Variants in PIK3R5 observed in about 807,000 individuals in gnomAD.
PIK3R5 encodes phosphoinositide 3-kinase regulatory subunit 5.
PIK3R5 carries 32 observed loss-of-function variants against 94.9 expected under a neutral mutation model. The observed-to-expected ratio is 0.34, with a 90% confidence interval of 0.25 to 0.45. PIK3R5 has a LOEUF of 0.45. Among genes scored for constraint, PIK3R5 ranks in the 20% least tolerant of loss-of-function variants. The probability of loss-of-function intolerance (pLI) is 1.00; values close to 1 mark genes in which losing one functional copy is unlikely to be tolerated. For missense variants in PIK3R5, 853 were observed against 1,144.6 expected (o/e 0.75, Z 3.68); for synonymous variants, 443 against 479.4 (o/e 0.92, Z 0.99).
chr17:8,887,245 C>T, intron 11 of PIK3R5, 24 bp from the exon 12 acceptor site: 3 of 1,612,856 alleles, frequency 1.9e-6, no homozygotes, highest in Non-Finnish European at 2.5e-6. Context: ...CAAGAGTCAT[C>T]ATCCCAGCTC....
chr17:8,954,058 C>T (rs1333626231), intron 1 of PIK3R5, among the ~76,000 whole-genome samples: 2 of 144,922 alleles, frequency 1.4e-5, no homozygotes, highest in South Asian at 4.4e-4. Context: ...CTTTCCTCTG[C>T]AAAAAAAAAG....
Position 8,893,929 on chromosome 17 carries a change from T to C in PIK3R5, c.413-274A>G. On this transcript the variant is annotated intron_variant, in intron 5 of 18. Transcript: ENST00000447110. This position sits in a 1 kb window ranked among gnomAD's most constrained non-coding sequence, Gnocchi z 5.1. ...CTGTCCTCTGGATTCCCGTGGCCTC[T>C]CTGACTGCCCTCCCTTCCTAAGAGC... The C allele has an allele frequency of 3.3e-6, 1 of 300,268 alleles. No homozygotes were observed. Among genetic ancestry groups the C allele is most frequent in the Non-Finnish European group, 6.3e-6 (1 of 158,748 alleles). 18.6% of individuals were successfully genotyped at this position (300,268 alleles called of 1,614,324 possible).
rs533243065 is a variant in PIK3R5 at position 8,961,566 on chromosome 17, C to T, written c.-14+4030G>A. On this transcript the variant is annotated intron_variant, in intron 1 of 18. Transcript: ENST00000447110. The stretch of plus-strand genomic sequence containing the variant: ...AGGAGAATTGCTTGAACCCAGGAGG[C>T]GGAGGTTGCAGTGAGCCGAGATCAC... 3.0e-4 allele frequency among the ~76,000 whole-genome samples: 46 copies of T among 152,148 alleles called. 1 individual carries two copies. In the East Asian group the frequency reaches 8.5e-3, roughly 28 times the overall value.
Position 8,888,889 on chromosome 17 carries a change from T to A in PIK3R5, c.898A>T (p.Ile300Phe). The A allele has an allele frequency of 6.3e-7, 1 of 1,595,850 alleles. No homozygotes were observed. Among genetic ancestry groups the A allele is most frequent in the Middle Eastern group, 1.7e-4 (1 of 6,036 alleles). Residue 300 changes from isoleucine to phenylalanine, a missense_variant and splice_region_variant, in exon 10 of 19, where the codon ATC (isoleucine) becomes TTC (phenylalanine). Physicochemically the swap from Ile to Phe is conservative, Grantham distance 21. This residue lies in a region of PIK3R5 where 161 missense variants were observed against 249.5 expected (regional missense o/e 0.65). Transcript: ENST00000447110. This position sits in a 1 kb window ranked among gnomAD's most constrained non-coding sequence, Gnocchi z 7.8. ...TYSWSQDSFD[I>F]LQEILLKEQE... ...TCCTTGAGCAGGATTTCCTGCAGGA[T>A]GTCTGCAGGGAAGCAAGGCCAGCAC...
At position 8,909,594 on chromosome 17, in the gene PIK3R5, C is replaced by G. The variant is rs2090481223; in HGVS notation, c.104-420G>C. 6.6e-6 allele frequency among the ~76,000 whole-genome samples: 1 copy of G among 152,216 alleles called. No homozygotes were observed. Among genetic ancestry groups the G allele is most frequent in the Admixed American group, 6.5e-5 (1 of 15,280 alleles). ...GAGCCACTGCACCCGGCCTGGAACA[C>G]TCCTTTCTAAAGTAAGTGAATCTAG... is the stretch of plus-strand genomic sequence containing the variant. On this transcript the variant is annotated intron_variant, in intron 2 of 18. Coordinates refer to ENST00000447110, the MANE Select transcript of PIK3R5 (RefSeq NM_001142633.3). The surrounding 1 kb of genome is among the most constrained non-coding windows in gnomAD (Gnocchi z 4.3).
rs992246407 is a variant in PIK3R5 at position 8,925,499 on chromosome 17, A to G, written c.-13-13992T>C. ...TAGATAGTAGATGGATAGATAGTAG[A>G]TGGATAGATAGTAGATGGATAGATA... On this transcript the variant is annotated intron_variant, in intron 1 of 18. Coordinates refer to ENST00000447110, the MANE Select transcript of PIK3R5 (RefSeq NM_001142633.3). The surrounding 1 kb of genome is among the most constrained non-coding windows in gnomAD (Gnocchi z 5.1). Among the ~76,000 whole-genome samples the G allele has an allele frequency of 2.6e-5, 4 of 150,980 alleles. No homozygotes were observed. Among genetic ancestry groups the G allele is most frequent in the Admixed American group, 6.6e-5 (1 of 15,212 alleles).
chr17:8,888,643 C>T lies in PIK3R5; in HGVS notation c.1144G>A (p.Gly382Ser), dbSNP rs749393537. The part of the protein sequence containing the change: ...SRHLLTSFVS[G>S]LSDGMDSGYV... ...CCGCTGTCCATGCCATCAGAGAGGCCTGAGACAAAGGAAGTCAGCAGATGG... is the reference window on the plus strand; with the variant it reads ...CCGCTGTCCATGCCATCAGAGAGGCTTGAGACAAAGGAAGTCAGCAGATGG... Residue 382 changes from glycine to serine, a missense_variant, in exon 10 of 19, where the codon GGC becomes AGC. This residue lies in a region of PIK3R5 where 319 missense variants were observed against 339.8 expected (regional missense o/e 0.94). Coordinates refer to ENST00000447110, the MANE Select transcript of PIK3R5 (RefSeq NM_001142633.3). This position sits in a 1 kb window ranked among gnomAD's most constrained non-coding sequence, Gnocchi z 7.8. 1 of 1,613,682 alleles carries T rather than the reference C, an allele frequency of 6.2e-7. No homozygotes were observed.
At chr17:8,899,805 C>T (rs548191248) in intron 5 of PIK3R5, among the ~76,000 whole-genome samples, 3 of 152,180 alleles carry the variant, frequency 2.0e-5, no homozygotes, top group East Asian at 3.9e-4. Flanking sequence ...TTTGGGAGGC[C>T]GAGGTGGGCG....
At chr17:8,895,459 T>C (rs114040233) in intron 5 of PIK3R5, among the ~76,000 whole-genome samples, 3 of 152,246 alleles carry the variant, frequency 2.0e-5, no homozygotes, top group Non-Finnish European at 2.9e-5. Context: ...CGCCCAGCCA[T>C]TGGCTTCCAA....
Position 8,884,896 on chromosome 17 carries a change from T to C in PIK3R5, c.2129-113A>G. On this transcript the variant is annotated intron_variant, in intron 14 of 18. Coordinates refer to ENST00000447110, the MANE Select transcript of PIK3R5 (RefSeq NM_001142633.3). This position sits in a 1 kb window ranked among gnomAD's most constrained non-coding sequence, Gnocchi z 5.8. The stretch of plus-strand genomic sequence containing the variant: ...TCCCCATCCCCTACCACATGGACCG[T>C]GACTCCCTAGGGATCTGTCTCACCA... 1.2e-6 allele frequency: 1 copy of C among 823,582 alleles called. No homozygotes were observed. The highest frequency in any genetic ancestry group is 2.0e-6 in the Non-Finnish European group (1 of 492,486). 51.0% of individuals were successfully genotyped at this position (823,582 alleles called of 1,614,324 possible).
intron 1 of PIK3R5, among the ~76,000 whole-genome samples, chr17:8,937,862 T>C (rs113504075): frequency 0.012 from 1,803 of 152,262 alleles, 42 homozygotes; most frequent in African/African-American, 0.042. Context: ...CAGGCTGGAG[T>C]GCAATGGCAC....
chr17:8,959,054 G>A (rs2091512908), intron 1 of PIK3R5, among the ~76,000 whole-genome samples: 1 of 152,006 alleles, frequency 6.6e-6, no homozygotes, highest in South Asian at 2.1e-4. Flanking sequence ...CACCACGCAG[G>A]GCCTTCTCTT....
chr17:8,887,156 G>A lies in PIK3R5; in HGVS notation c.1845C>T (p.Asp615=), dbSNP rs61761067. The A allele has an allele frequency of 5.5e-3, 8,941 of 1,613,956 alleles. 417 individuals are homozygous for A. In the African/African-American group the frequency reaches 0.1, roughly 18 times the overall value. The part of the protein sequence containing the change: ...NDISHYLGML[D]PWYERNVLGL... The stretch of plus-strand genomic sequence containing the variant: ...CCAGTACATTGCGCTCATACCAGGG[G>A]TCCAGCATGCCGAGGTAGTGGGAGA... Residue 615 remains aspartate, a synonymous_variant, in exon 12 of 19, where the codon GAC becomes GAT. Transcript: ENST00000447110.
rs1156479965 is a variant in PIK3R5, at chr17:8,884,308, T to G, written c.2205+399A>C. ...ACCTCCCCACAGCTCTCCTCACTCC[T>G]TTCTCACGCCAATCCCATCTTGCAT... On this transcript the variant is annotated intron_variant, in intron 15 of 18. Coordinates refer to ENST00000447110, the MANE Select transcript of PIK3R5 (RefSeq NM_001142633.3). The surrounding 1 kb of genome is among the most constrained non-coding windows in gnomAD (Gnocchi z 5.8). Among the ~76,000 whole-genome samples, 1 of 152,006 alleles carries G rather than the reference T, an allele frequency of 6.6e-6. No homozygotes were observed. Among genetic ancestry groups the G allele is most frequent in the African/African-American group, 2.4e-5 (1 of 41,378 alleles).
chr17:8,917,323 C>A (rs1020543100), intron 1 of PIK3R5, among the ~76,000 whole-genome samples: 2 of 152,036 alleles, frequency 1.3e-5, no homozygotes, highest in Non-Finnish European at 2.9e-5. Context: ...AATAAATAAT[C>A]GAAATCAACC....
chr17:8,917,341 G>A (rs556504927), intron 1 of PIK3R5, among the ~76,000 whole-genome samples: 2 of 152,114 alleles, frequency 1.3e-5, no homozygotes, highest in African/African-American at 4.8e-5. Context: ...ACCAGAATAT[G>A]GGGGCAGGGG....
rs768688436 is a variant in PIK3R5, at chr17:8,880,976, G to A, written c.2424C>T (p.Ile808=). Residue 808 remains isoleucine, a synonymous_variant, in exon 18 of 19, where the codon ATC becomes ATT. Transcript: ENST00000447110. ...CAGCAAAGGGGCAGCTGTTGGAGCC[G>A]ATGATCTGCACCTTGTCCACTTTGA... The part of the protein sequence containing the change: ...SQIKVDKVQI[I]GSNSCPFAVC... 9.9e-6 allele frequency: 16 copies of A among 1,613,998 alleles called. No individual in the cohort carries two copies. In the African/African-American group the frequency reaches 1.1e-4, roughly 11 times the overall value.
rs1358979836 is a variant in PIK3R5, at chr17:8,893,465, G to T, written c.482+121C>A. The T allele has an allele frequency of 5.3e-6, 4 of 759,204 alleles. No homozygotes were observed. The allele number at this position is 759,204 out of a possible 1,614,324, so 47.0% of individuals were successfully genotyped here. ...TTCCCTGGAAGCCTGTTTGTTGCTG[G>T]CTGGGGTGGACAGGGGGTGGGGGCA... is the stretch of plus-strand genomic sequence containing the variant. On this transcript the variant is annotated intron_variant, in intron 6 of 18. Coordinates refer to ENST00000447110, the MANE Select transcript of PIK3R5 (RefSeq NM_001142633.3). This position sits in a 1 kb window ranked among gnomAD's most constrained non-coding sequence, Gnocchi z 5.1.
chr17:8,913,131 G>A (rs2090560770), intron 1 of PIK3R5, among the ~76,000 whole-genome samples: 1 of 152,216 alleles, frequency 6.6e-6, no homozygotes, highest in Non-Finnish European at 1.5e-5. Flanking sequence ...GATGGTGCTG[G>A]GAGTGGGACA....
Sources: gnomAD v4.1 joint callset for allele counts (sites outside exome capture counted in the v4.1 genomes callset) on GRCh38, gnomAD v4.1.1 for gene constraint, gnomAD v4.1.1 regional missense constraint, Gnocchi (gnomAD v3.1) non-coding constraint, MANE v1.5 for transcripts, NCBI Gene and HGNC (gene_info 2026-07-23, HGNC 2026-07-21) for gene names.